The following AUH variants were observed in gnomAD, a reference collection of about 807,000 sequenced individuals.
AUH encodes the protein AU RNA binding methylglutaconyl-CoA hydratase.
AUH carries 29 observed loss-of-function variants against 42.3 expected under a neutral mutation model. That is an observed-to-expected ratio of 0.69 (90% CI 0.51 to 0.93). The LOEUF (loss-of-function observed/expected upper bound fraction) is 0.93. AUH is among the 40% of genes least tolerant of loss of function. AUH has a pLI of 0.00. For missense variants in AUH, 452 were observed against 438.1 expected (o/e 1.03, Z -0.28); for synonymous variants, 174 against 166.4 (o/e 1.05, Z -0.35).
chr9:91,270,766 A>G (rs1210278379), intron 6 of AUH, among the ~76,000 whole-genome samples: 3 of 152,174 alleles, frequency 2.0e-5, no homozygotes, highest in African/African-American at 7.2e-5. Flanking sequence ...ACCAAAATAC[A>G]CTTGTACACA....
intron 8 of AUH, among the ~76,000 whole-genome samples, chr9:91,216,881 G>A (rs1826851295): frequency 6.6e-6 from 1 of 152,202 alleles, no homozygotes; most frequent in African/African-American, 2.4e-5. Flanking sequence ...ACACTGAGAA[G>A]CTAAAGGTGG....
At chr9:91,291,925 A>C (rs1471902171) in intron 6 of AUH, among the ~76,000 whole-genome samples, 1 of 7,738 alleles carries the variant, frequency 1.3e-4, no homozygotes. Flanking sequence ...TCCGTGTCAA[A>C]AAAAAAAAAA....
At chr9:91,311,830 T>C (rs1828721289) in intron 4 of AUH, among the ~76,000 whole-genome samples, 1 of 152,248 alleles carries the variant, frequency 6.6e-6, no homozygotes, top group Non-Finnish European at 1.5e-5. Context: ...TAGATCCTGA[T>C]AATTTCATTG....
chr9:91,305,783 G>A (rs1324977043), intron 4 of AUH, among the ~76,000 whole-genome samples: 2 of 152,120 alleles, frequency 1.3e-5, no homozygotes, highest in African/African-American at 2.4e-5. Flanking sequence ...AGGCACAAAG[G>A]AGTTGCTGTT....
At chr9:91,310,776 T>C (rs1016305105) in intron 4 of AUH, among the ~76,000 whole-genome samples, 4 of 152,212 alleles carry the variant, frequency 2.6e-5, no homozygotes, top group Admixed American at 1.3e-4. Flanking sequence ...AGATAGATCA[T>C]GTGGTTACCA....
At position 91,220,988 on chromosome 9, in the gene AUH, C is replaced by A. The variant is rs777963106; in HGVS notation, c.660G>T (p.Gly220=). ...CAATGGCGCGTGGCAATCGCTGTGT[C>A]CCCCCTGAGGGGTGAAAGAGAGAGA... ...TKLAIIPGGG[G]TQRLPRAIGM... is the part of the protein sequence containing the mutation. Residue 220 remains glycine, a synonymous_variant, in exon 7 of 10, where the codon GGG becomes GGT. Transcript: ENST00000375731. 1.2e-6 allele frequency: 2 copies of A among 1,614,098 alleles called. No individual in the cohort carries two copies. Among genetic ancestry groups the A allele is most frequent in the East Asian group, 2.2e-5 (1 of 44,874 alleles).
chr9:91,214,557 A>G lies in AUH; in HGVS notation c.943-132T>C, dbSNP rs149873270. 23 of 721,916 alleles carry G rather than the reference A, an allele frequency of 3.2e-5. No individual in the cohort carries two copies. The African/African-American group carries it at 3.2e-4, about 10-fold the overall frequency. The allele number at this position is 721,916 out of a possible 1,614,324, so 44.7% of individuals were successfully genotyped here. On this transcript the variant is annotated intron_variant, in intron 9 of 9. Transcript: ENST00000375731. The stretch of plus-strand genomic sequence containing the variant: ...AATCAGTCACCTGAACAATTCTCCT[A>G]ATTATGTAACCAAACTCATCCTTCT...
intron 6 of AUH, among the ~76,000 whole-genome samples, chr9:91,237,679 T>C (rs893692285): frequency 6.6e-6 from 1 of 150,562 alleles, no homozygotes; most frequent in East Asian, 2.1e-4. Flanking sequence ...AACTACCCCA[T>C]CTTTGACCAG....
intron 6 of AUH, among the ~76,000 whole-genome samples, chr9:91,287,375 A>T (rs901346997): frequency 2.0e-5 from 3 of 152,172 alleles, no homozygotes; most frequent in Admixed American, 6.5e-5. Context: ...AGACACACCA[A>T]CTAAATGCAA....
chr9:91,292,583 C>T (rs778209066), intron 6 of AUH, among the ~76,000 whole-genome samples: 1 of 151,728 alleles, frequency 6.6e-6, no homozygotes, highest in African/African-American at 2.4e-5. Context: ...CCAGGCACCT[C>T]TCTTCTTCTT....
intron 6 of AUH, among the ~76,000 whole-genome samples, chr9:91,221,921 T>C (rs770604330): frequency 3.9e-5 from 6 of 152,164 alleles, no homozygotes; most frequent in Non-Finnish European, 8.8e-5. Flanking sequence ...AGCCTCAATG[T>C]CTACCAAGAA....
intron 6 of AUH, among the ~76,000 whole-genome samples, chr9:91,273,826 T>C (rs1825346311): frequency 2.0e-5 from 3 of 152,236 alleles, no homozygotes; most frequent in Admixed American, 2.0e-4. Flanking sequence ...TAAAAGGATC[T>C]GAGCTCTTTG....
At chr9:91,341,578 G>T (rs1380516747) in intron 3 of AUH, among the ~76,000 whole-genome samples, 1 of 152,170 alleles carries the variant, frequency 6.6e-6, no homozygotes, top group Non-Finnish European at 1.5e-5. Flanking sequence ...CGCATGCTCT[G>T]TATCAAAGCT....
chr9:91,332,131 T>C (rs1242874656), intron 3 of AUH, among the ~76,000 whole-genome samples: 2 of 152,232 alleles, frequency 1.3e-5, no homozygotes, highest in Non-Finnish European at 2.9e-5. Flanking sequence ...AAAACTCATA[T>C]GCCATTTTCA....
chr9:91,253,832 A>G (rs762733365), intron 6 of AUH, among the ~76,000 whole-genome samples: 146 of 152,376 alleles, frequency 9.6e-4, no homozygotes, highest in Non-Finnish European at 1.2e-3. Context: ...TGTATACTTT[A>G]AAGTGTTAAT....
intron 3 of AUH, among the ~76,000 whole-genome samples, chr9:91,346,516 G>A (rs1266029632): frequency 1.3e-5 from 2 of 152,118 alleles, no homozygotes; most frequent in Non-Finnish European, 2.9e-5. Context: ...ACTGGTAATA[G>A]TAAATAAAGC....
chr9:91,230,206 G>C (rs1827784476), intron 6 of AUH, among the ~76,000 whole-genome samples: 1 of 152,056 alleles, frequency 6.6e-6, no homozygotes, highest in Admixed American at 6.5e-5. Context: ...ATCAGACGTA[G>C]ATTTGGTCTT....
In AUH at chr9:91,296,860, A is replaced by T. The variant is rs117891154; in HGVS notation, c.599-783T>A. On this transcript the variant is annotated intron_variant, in intron 5 of 9. Transcript: ENST00000375731. ...TGACGCTACATTGTTCTAAAAATTT[A>T]AAAAATCTTTTATAAAGATGAGGTC... Among the ~76,000 whole-genome samples, 415 of 152,350 alleles carry T rather than the reference A, an allele frequency of 2.7e-3. 11 individuals carry two copies. The East Asian group carries it at 0.037, about 14-fold the overall frequency.
intron 3 of AUH, among the ~76,000 whole-genome samples, chr9:91,340,826 A>C (rs1469262202): frequency 6.6e-6 from 1 of 152,244 alleles, no homozygotes; most frequent in Non-Finnish European, 1.5e-5. Context: ...GAAGACAGCA[A>C]AAAACAGCCT....
Sources: gnomAD v4.1 joint callset for allele counts (sites outside exome capture counted in the v4.1 genomes callset) on GRCh38, gnomAD v4.1.1 for gene constraint, MANE v1.5 for transcripts, NCBI Gene and HGNC (gene_info 2026-07-23, HGNC 2026-07-21) for gene names.